FRY: variants seen among roughly 807,000 people sequenced by gnomAD.
FRY encodes FRY microtubule binding protein.
A neutral mutation model predicts 348.4 loss-of-function variants in FRY; 128 were observed. The observed-to-expected ratio is 0.37, with a 90% CI of 0.32 to 0.43. FRY has a LOEUF of 0.43. Ranked by LOEUF, FRY falls within the 20% of genes least tolerant of loss-of-function variation. The pLI is 1.00. For missense variants in FRY, 2,736 were observed against 3,695.2 expected (o/e 0.74, Z 6.73); for synonymous variants, 1,370 against 1,374.7 (o/e 1.00, Z 0.08).
At chr13:32,179,412 T>C (rs1882560950) in intron 22 of FRY, among the ~76,000 whole-genome samples, 1 of 152,026 alleles carries the variant, frequency 6.6e-6, no homozygotes, top group Non-Finnish European at 1.5e-5. Context: ...TTTATAGACT[T>C]AAATGGTTTT....
intron 1 of FRY, among the ~76,000 whole-genome samples, chr13:32,069,852 A>G (rs1429553285): frequency 6.6e-6 from 1 of 151,888 alleles, no homozygotes; most frequent in African/African-American, 2.4e-5. Flanking sequence ...TCCTAATGCT[A>G]TCCCTCCCCC....
intron 35 of FRY, among the ~76,000 whole-genome samples, chr13:32,217,617 G>C (rs1272778641): frequency 6.6e-6 from 1 of 152,196 alleles, no homozygotes. Context: ...GCCAGTGAGA[G>C]AGAGCTCAGC....
rs779331124 is a variant in FRY at position 32,228,466 on chromosome 13, C to A, written c.5217C>A (p.Asp1739Glu). Reference sequence around the variant, plus strand: ...TTCTTCTCCCACCAGGTGGCTTTGACTTCCTGAGAGAGGACCAGTCATCCC... The same window carrying A: ...TTCTTCTCCCACCAGGTGGCTTTGAATTCCTGAGAGAGGACCAGTCATCCC... ...QPEYLYTGGF[D>E]FLREDQSSPV... The change falls in exon 40 of 61, where the codon GAC becomes GAA. Residue 1739 changes from aspartate to glutamate, a missense_variant. Physicochemically the swap from Asp to Glu is conservative, Grantham distance 45 (BLOSUM62 2). Coordinates refer to ENST00000542859, the MANE Select transcript of FRY (RefSeq NM_023037.3). 1 of 1,612,366 alleles carries A rather than the reference C, an allele frequency of 6.2e-7. No individual in the cohort carries two copies. The highest frequency in any genetic ancestry group is 1.1e-5 in the South Asian group (1 of 91,006).
rs963825020 is a variant in FRY, at chr13:32,298,121, A to G, written c.*2661A>G. On this transcript the variant is annotated 3_prime_UTR_variant, in exon 61 of 61. Coordinates refer to ENST00000542859, the MANE Select transcript of FRY (RefSeq NM_023037.3). ...GTGCCGATGTTACTGTGAAATAAAG[A>G]TGCCTGTAATTAATTGTAGGCATCA... 6.6e-6 allele frequency: 1 copy of G among 152,220 alleles called. No homozygotes were observed. The highest frequency in any genetic ancestry group is 1.5e-5 in the Non-Finnish European group (1 of 68,034). The allele number at this position is 152,220 out of a possible 1,614,324, so 9.4% of individuals were successfully genotyped here.
At chr13:32,275,800 G>T (rs575198984) in intron 56 of FRY, among the ~76,000 whole-genome samples, 2 of 152,158 alleles carry the variant, frequency 1.3e-5, no homozygotes, top group Non-Finnish European at 2.9e-5. Flanking sequence ...TCTGGCTGAC[G>T]GTAATTCATG....
chr13:32,041,283 C>CTTTTTTTTTTTTTTT (rs11286980), intron 1 of FRY, among the ~76,000 whole-genome samples: 1 of 65,006 alleles, frequency 1.5e-5, no homozygotes, highest in Non-Finnish European at 2.8e-5. Context: ...TAATCTTCTG[C>CTTTTTTTTTTTTTTT]TTTTTTTTTT....
rs752070366 is a variant in FRY at position 32,149,792 on chromosome 13, T to C, written c.1437T>C (p.Leu479=). 22 of 1,611,698 alleles carry C rather than the reference T, an allele frequency of 1.4e-5. No individual in the cohort carries two copies. The highest frequency in any genetic ancestry group is 1.8e-5 in the Non-Finnish European group (21 of 1,177,886). Residue 479 remains leucine, a synonymous_variant, in exon 14 of 61, where the codon CTT becomes CTC. Coordinates refer to ENST00000542859, the MANE Select transcript of FRY (RefSeq NM_023037.3). ...FAMKEIIFDF[L]CVGKPAKAFS... Reference sequence around the variant, plus strand: ...TGAAAGAAATCATTTTCGATTTTCTTTGTGTGGGAAAACCAGCAAAAGCAT... The same window carrying C: ...TGAAAGAAATCATTTTCGATTTTCTCTGTGTGGGAAAACCAGCAAAAGCAT...
intron 25 of FRY, 60 bp downstream of exon 25, chr13:32,184,751 TTCTG>T (rs1209025123): frequency 1.5e-5 from 16 of 1,090,772 alleles, no homozygotes; most frequent in Non-Finnish European, 2.1e-5. Context: ...TTTGTTTTCT[TTCTG>T]TCTCTCTCTT....
At chr13:32,245,793 T>C (rs776116483) in intron 47 of FRY, among the ~76,000 whole-genome samples, 1 of 152,090 alleles carries the variant, frequency 6.6e-6, no homozygotes, top group Non-Finnish European at 1.5e-5. Context: ...AGACATCCTT[T>C]TCTCTATATT....
chr13:32,249,736 T>G, intron 49 of FRY, 49 bp downstream of exon 49: 1 of 1,544,928 alleles, frequency 6.5e-7, no homozygotes, highest in Non-Finnish European at 8.9e-7. Flanking sequence ...AGGGACCTGT[T>G]GAGTCCATGT....
chr13:32,234,251 A>C (rs1886091412), intron 41 of FRY, among the ~76,000 whole-genome samples: 1 of 151,454 alleles, frequency 6.6e-6, no homozygotes. Flanking sequence ...GTGAGACCCC[A>C]TCTCTACAAA....
intron 1 of FRY, among the ~76,000 whole-genome samples, chr13:32,072,300 C>G (rs1159376224): frequency 6.6e-6 from 1 of 152,026 alleles, no homozygotes; most frequent in Non-Finnish European, 1.5e-5. Context: ...TACTTTTCTT[C>G]CAATGCAAAA....
At chr13:32,107,343 TC>T (rs1228006545) in intron 3 of FRY, among the ~76,000 whole-genome samples, 2 of 152,086 alleles carry the variant, frequency 1.3e-5, no homozygotes, top group Non-Finnish European at 2.9e-5. Flanking sequence ...GGACTCTGTC[TC>T]AAAAATAAAA....
intron 58 of FRY, among the ~76,000 whole-genome samples, chr13:32,287,625 C>A (rs1460670209): frequency 2.0e-5 from 3 of 147,794 alleles, no homozygotes; most frequent in Non-Finnish European, 4.5e-5. Flanking sequence ...ATCAGAGAAC[C>A]TAAAAACGTA....
chr13:32,130,556 TTTCTC>T (rs1879295108), intron 7 of FRY, among the ~76,000 whole-genome samples: 1 of 152,000 alleles, frequency 6.6e-6, no homozygotes, highest in Non-Finnish European at 1.5e-5. Context: ...TATGTGTACA[TTTCTC>T]TACTCTTAGG....
intron 7 of FRY, among the ~76,000 whole-genome samples, chr13:32,128,414 G>A (rs1235302034): frequency 6.6e-6 from 1 of 152,182 alleles, no homozygotes; most frequent in African/African-American, 2.4e-5. Flanking sequence ...GTGTCCAGCA[G>A]GTGCTAACAC....
rs1224599651 is a variant in FRY, at chr13:32,298,103, T to C, written c.*2643T>C. On this transcript the variant is annotated 3_prime_UTR_variant, in exon 61 of 61. Transcript: ENST00000542859. ...GTGAGATGTTAAGAAAATGTGCCGA[T>C]GTTACTGTGAAATAAAGATGCCTGT... 4 of 152,234 alleles carry C rather than the reference T, an allele frequency of 2.6e-5. No homozygotes were observed. The highest frequency in any genetic ancestry group is 4.4e-5 in the Non-Finnish European group (3 of 68,044). 9.4% of individuals were successfully genotyped at this position (152,234 alleles called of 1,614,324 possible).
chr13:32,150,770 G>A (rs1226410314), intron 14 of FRY, among the ~76,000 whole-genome samples: 2 of 152,184 alleles, frequency 1.3e-5, no homozygotes, highest in African/African-American at 2.4e-5. Context: ...GAGGAAGGGG[G>A]CCTGGAGGCT....
At position 32,228,577 on chromosome 13, in the gene FRY, C is replaced by G; in HGVS notation, c.5328C>G (p.Thr1776=). 3 of 1,613,922 alleles carry G rather than the reference C, an allele frequency of 1.9e-6. No homozygotes were observed. The highest frequency in any genetic ancestry group is 2.5e-6 in the Non-Finnish European group (3 of 1,179,876). Residue 1776 remains threonine (T), a synonymous_variant, in exon 40 of 61, where the codon ACC becomes ACG. Transcript: ENST00000542859. ...GGSSGNLPQM[T]QEVEDVDTAA... Reference sequence around the variant, plus strand: ...GCAGTGGAAACCTCCCACAGATGACCCAGGAGGTAGAAGATGTGGACACAG... The same window carrying G: ...GCAGTGGAAACCTCCCACAGATGACGCAGGAGGTAGAAGATGTGGACACAG...
Sources: gnomAD v4.1 joint callset for allele counts (sites outside exome capture counted in the v4.1 genomes callset) on GRCh38, gnomAD v4.1.1 for gene constraint, MANE v1.5 for transcripts, NCBI Gene and HGNC (gene_info 2026-07-23, HGNC 2026-07-21) for gene names.